The following NRXN3 variants were observed in gnomAD, a reference collection of about 807,000 sequenced individuals.
NRXN3 encodes the protein neurexin III.
In NRXN3, 32 loss-of-function variants were observed where a neutral mutation model predicts 137.6. The observed-to-expected ratio is 0.23, with a 90% CI of 0.18 to 0.31. The LOEUF (loss-of-function observed/expected upper bound fraction) is 0.31, where lower values mean the gene tolerates loss of function less well. Ranked by LOEUF, NRXN3 falls within the 10% of genes least tolerant of loss-of-function variation. The pLI is 1.00. For synonymous variants in NRXN3, 798 were observed against 784.5 expected (o/e 1.02, Z -0.29); for missense variants, 1,574 against 2,062.5 (o/e 0.76, Z 4.59).
In NRXN3 at chr14:78,250,453, C is replaced by T. The variant is rs190373263; in HGVS notation, c.709+6651C>T. On this transcript the variant is annotated intron_variant, in intron 2 of 20. Coordinates refer to ENST00000335750, the MANE Select transcript of NRXN3 (RefSeq NM_001330195.2). ...CCCTACCTCCACCAGTTTCCCTTATCCCAGTCTGAAAGGTGGTAGAGATAA... is the reference window on the plus strand; with the variant it reads ...CCCTACCTCCACCAGTTTCCCTTATTCCAGTCTGAAAGGTGGTAGAGATAA... 1.6e-3 allele frequency among the ~76,000 whole-genome samples: 243 copies of T among 152,300 alleles called. 1 individual carries two copies. Among genetic ancestry groups the T allele is most frequent in the Non-Finnish European group, 2.0e-3 (138 of 68,008 alleles).
intron 16 of NRXN3, among the ~76,000 whole-genome samples, chr14:79,518,821 T>C (rs1485802221): frequency 6.6e-6 from 1 of 152,196 alleles, no homozygotes; most frequent in Non-Finnish European, 1.5e-5. Context: ...ATTATGAGCC[T>C]GGCTTTTGCA....
chr14:79,088,624 A>C (rs1200265791), intron 15 of NRXN3, among the ~76,000 whole-genome samples: 1 of 152,180 alleles, frequency 6.6e-6, no homozygotes, highest in Non-Finnish European at 1.5e-5. Context: ...TACCTGCGGA[A>C]GGGAAGGATT....
At chr14:78,675,796 T>A (rs1186716017) in intron 6 of NRXN3, among the ~76,000 whole-genome samples, 1 of 152,172 alleles carries the variant, frequency 6.6e-6, no homozygotes, top group Non-Finnish European at 1.5e-5. Flanking sequence ...TTTGAGTTAT[T>A]GAATTTTCTT....
chr14:79,273,216 G>A (rs1329677612), intron 15 of NRXN3, among the ~76,000 whole-genome samples: 6 of 138,318 alleles, frequency 4.3e-5, no homozygotes, highest in Non-Finnish European at 9.4e-5. Context: ...GGGAGGGAGG[G>A]TGTTTACTCC....
At chr14:79,093,888 C>T (rs1269354393) in intron 15 of NRXN3, among the ~76,000 whole-genome samples, 2 of 112,960 alleles carry the variant, frequency 1.8e-5, no homozygotes, top group African/African-American at 6.1e-5. Context: ...ATATATCATT[C>T]TGATTGATTT....
chr14:79,468,570 A>C (rs1043708787), intron 16 of NRXN3, among the ~76,000 whole-genome samples: 2 of 152,254 alleles, frequency 1.3e-5, no homozygotes, highest in Admixed American at 6.5e-5. Context: ...AGTTTTGCTA[A>C]TGTGCAGGTG....
At chr14:79,855,685 G>T (rs777831115) in intron 20 of NRXN3, among the ~76,000 whole-genome samples, 1 of 152,002 alleles carries the variant, frequency 6.6e-6, no homozygotes, top group Non-Finnish European at 1.5e-5. Flanking sequence ...ATAAAAAAGG[G>T]TTAGAAGAAA....
chr14:79,164,223 A>G (rs1029584015), intron 15 of NRXN3, among the ~76,000 whole-genome samples: 10 of 152,080 alleles, frequency 6.6e-5, no homozygotes, highest in Admixed American at 5.9e-4. Context: ...ATATCTTTGA[A>G]TTCTTTAGCA....
chr14:79,650,627 G>A (rs965504950), intron 16 of NRXN3, among the ~76,000 whole-genome samples: 4 of 152,114 alleles, frequency 2.6e-5, no homozygotes, highest in Non-Finnish European at 4.4e-5. Flanking sequence ...TTACACTCTT[G>A]AGGGCTAAAG....
chr14:79,246,430 G>A (rs1035821120), intron 15 of NRXN3, among the ~76,000 whole-genome samples: 4 of 152,106 alleles, frequency 2.6e-5, no homozygotes, highest in Admixed American at 6.6e-5. Flanking sequence ...GACTCTGTCC[G>A]AGGTTCTGCT....
intron 4 of NRXN3, among the ~76,000 whole-genome samples, chr14:78,638,025 T>A (rs2097581735): frequency 6.6e-6 from 1 of 152,194 alleles, no homozygotes; most frequent in African/African-American, 2.4e-5. Context: ...CAGTGAAGCG[T>A]GGTTTTCCAG....
chr14:79,571,305 TACTC>T (rs2097598820), intron 16 of NRXN3, among the ~76,000 whole-genome samples: 1 of 152,168 alleles, frequency 6.6e-6, no homozygotes, highest in African/African-American at 2.4e-5. Flanking sequence ...CCGTTTTACT[TACTC>T]AAGATAAAAA....
chr14:78,495,116 A>G (rs1032380881), intron 4 of NRXN3, among the ~76,000 whole-genome samples: 12 of 101,946 alleles, frequency 1.2e-4, no homozygotes, highest in African/African-American at 4.4e-4. Context: ...CTGTTTGTAT[A>G]TGTGGGGTGT....
chr14:78,340,392 A>T (rs1382747486), intron 4 of NRXN3, among the ~76,000 whole-genome samples: 1 of 152,162 alleles, frequency 6.6e-6, no homozygotes, highest in Non-Finnish European at 1.5e-5. Context: ...TCAGTTATTT[A>T]TTGCTGCATA....
chr14:78,967,184 GTTT>G lies in NRXN3; in HGVS notation c.2778-11_2778-9del, dbSNP rs10603296. 6.7e-4 allele frequency: 947 copies of G among 1,418,770 alleles called. No individual in the cohort carries two copies. The highest frequency in any genetic ancestry group is 3.2e-3 in the African/African-American group (221 of 68,196). 87.9% of individuals were successfully genotyped at this position (1,418,770 alleles called of 1,614,324 possible). A position where few individuals can be genotyped will look rare whatever the true frequency, so the allele number is the denominator to read the frequency against. ...CCACTTCGGGGATTTTCCAATTATT[GTTT>G]TTTTTTTTTTTTCTTCCTAGGTATA... On this transcript the variant is annotated intron_variant, in intron 12 of 20. Transcript: ENST00000335750.
intron 15 of NRXN3, among the ~76,000 whole-genome samples, chr14:79,170,735 T>C (rs1219892300): frequency 6.6e-6 from 1 of 152,100 alleles, no homozygotes; most frequent in Non-Finnish European, 1.5e-5. Context: ...AATCTAGCTA[T>C]TTTAGTGTAC....
At chr14:78,615,045 C>T (rs149397535) in intron 4 of NRXN3, 14 of 456,620 alleles carry the variant, frequency 3.1e-5, no homozygotes, top group African/African-American at 2.8e-4. Context: ...AGGGATGCTC[C>T]TCGTATTTCC....
intron 15 of NRXN3, among the ~76,000 whole-genome samples, chr14:79,059,258 T>TTTTTTTTTTTTC (rs1364186578): frequency 0.052 from 1,803 of 34,542 alleles, 82 homozygotes; most frequent in African/African-American, 0.088. Flanking sequence ...TTCTTTTTTT[T>TTTTTTTTTTTTC]TTTTTTTTTT....
chr14:78,448,669 A>C (rs960172102), intron 4 of NRXN3, among the ~76,000 whole-genome samples: 1 of 152,092 alleles, frequency 6.6e-6, no homozygotes, highest in Non-Finnish European at 1.5e-5. Context: ...GTGGCGCATT[A>C]TCACTAATTT....
Sources: gnomAD v4.1 joint callset for allele counts (sites outside exome capture counted in the v4.1 genomes callset) on GRCh38, gnomAD v4.1.1 for gene constraint, MANE v1.5 for transcripts, NCBI Gene and HGNC (gene_info 2026-07-23, HGNC 2026-07-21) for gene names.